SPTBN1: variants seen among roughly 807,000 people sequenced by gnomAD.
SPTBN1 encodes the protein spectrin beta chain, non-erythrocytic 1.
SPTBN1 carries 32 observed loss-of-function variants against 266.4 expected under a neutral mutation model. The ratio of observed to expected loss-of-function variants is 0.12; its 90% CI spans 0.09 to 0.16. The LOEUF is 0.16. Ranked by LOEUF, SPTBN1 falls within the 10% of genes least tolerant of loss-of-function variation. SPTBN1 has a pLI of 1.00. For synonymous variants in SPTBN1, 1,336 were observed against 1,162.2 expected (o/e 1.15, Z -3.04); for missense variants, 2,296 against 3,067.1 (o/e 0.75, Z 5.94).
chr2:54,629,560 C>T lies in SPTBN1; in HGVS notation c.2426C>T (p.Ala809Val), dbSNP rs1307917517. The change falls in exon 14 of 36, where the codon GCC becomes GTC. Residue 809 changes from alanine (A) to valine (V), a missense_variant. This residue lies in a region of SPTBN1 where 434 missense variants were observed against 573.9 expected (regional missense o/e 0.76). Coordinates refer to ENST00000356805, the MANE Select transcript of SPTBN1 (RefSeq NM_003128.3). Reference protein sequence around the residue: ...TLDTLHEQASALPQEHAESPD... With the variant: ...TLDTLHEQASVLPQEHAESPD... ...GACACGCTGCACGAACAAGCCAGCG[C>T]CCTCCCCCAGGAGCATGCCGAGTCT... The T allele has an allele frequency of 6.2e-7, 1 of 1,613,986 alleles. No homozygotes were observed. Among genetic ancestry groups the T allele is most frequent in the Non-Finnish European group, 8.5e-7 (1 of 1,180,058 alleles).
In SPTBN1 at chr2:54,623,422, G is replaced by T. The variant is rs867515132; in HGVS notation, c.1065-57G>T. 82 of 1,463,368 alleles carry T rather than the reference G, an allele frequency of 5.6e-5. No homozygotes were observed. In the Middle Eastern group the frequency reaches 1.3e-3, roughly 23 times the overall value. The allele number at this position is 1,463,368 out of a possible 1,614,324, so 90.6% of individuals were successfully genotyped here. A position where few individuals can be genotyped will look rare whatever the true frequency, so the allele number is the denominator to read the frequency against. The stretch of plus-strand genomic sequence containing the variant: ...GAGTTAAATGGTTTTTAAAATGCAT[G>T]ACAGTGTGAAATTTTTTTTTCTCCA... On this transcript the variant is annotated intron_variant, in intron 9 of 35. Transcript: ENST00000356805.
chr2:54,491,009 C>T (rs148539813), intron 1 of SPTBN1, among the ~76,000 whole-genome samples: 1 of 152,270 alleles, frequency 6.6e-6, no homozygotes, highest in East Asian at 1.9e-4. Context: ...ACATTTTAGT[C>T]AAGCTTGTGT....
intron 1 of SPTBN1, chr2:54,516,250 C>T (rs1670102996): frequency 6.6e-6 from 1 of 152,052 alleles, no homozygotes; most frequent in East Asian, 1.9e-4. Flanking sequence ...GTTTATTCAC[C>T]TGTAAAATAG....
intron 2 of SPTBN1, among the ~76,000 whole-genome samples, chr2:54,580,263 T>C (rs1460881909): frequency 6.6e-6 from 1 of 152,232 alleles, no homozygotes; most frequent in African/African-American, 2.4e-5. Context: ...GGAGTAGATT[T>C]TGTTTCTTGA....
rs1274290084 is a variant in SPTBN1, at chr2:54,664,657, G to A, written c.6625G>A (p.Glu2209Lys). The A allele has an allele frequency of 6.8e-6, 11 of 1,613,996 alleles. No homozygotes were observed. Among genetic ancestry groups the A allele is most frequent in the African/African-American group, 1.3e-5 (1 of 74,902 alleles). ...QMEGFLNRKHEWEAHNKKASS... is the reference protein window; with the variant it reads ...QMEGFLNRKHKWEAHNKKASS... ...GGAAGGCTTCCTCAATCGGAAACACGAGTGGGAGGCCCACAATAAGAAAGC... is the reference window on the plus strand; with the variant it reads ...GGAAGGCTTCCTCAATCGGAAACACAAGTGGGAGGCCCACAATAAGAAAGC... Residue 2209 changes from glutamate to lysine, a missense_variant, in exon 33 of 36, where the codon GAG (glutamate) becomes AAG (lysine). Physicochemically the swap from Glu to Lys is moderately conservative, Grantham distance 56 (BLOSUM62 1). Around this residue, in one of 12 missense-constraint regions of SPTBN1, gnomAD observed 347 missense variants for 368.5 expected, o/e 0.94. Coordinates refer to ENST00000356805, the MANE Select transcript of SPTBN1 (RefSeq NM_003128.3). This position sits in a 1 kb window ranked among gnomAD's most constrained non-coding sequence, Gnocchi z 5.6.
intron 1 of SPTBN1, among the ~76,000 whole-genome samples, chr2:54,463,185 C>T (rs1558746694): frequency 7.1e-6 from 1 of 141,560 alleles, no homozygotes; most frequent in African/African-American, 3.0e-5. Flanking sequence ...CAATCCTATG[C>T]GAAGCTATTT....
chr2:54,615,624 A>G lies in SPTBN1; in HGVS notation c.475-583A>G, dbSNP rs372494500. ...AGCTGGGGAACCTGCCCAAGGGTACATGGTAGGTGATGGAGCCTGGATTCA... is the reference window on the plus strand; with the variant it reads ...AGCTGGGGAACCTGCCCAAGGGTACGTGGTAGGTGATGGAGCCTGGATTCA... On this transcript the variant is annotated intron_variant, in intron 4 of 35. Coordinates refer to ENST00000356805, the MANE Select transcript of SPTBN1 (RefSeq NM_003128.3). Among the ~76,000 whole-genome samples the G allele has an allele frequency of 5.3e-5, 8 of 152,304 alleles. No individual in the cohort carries two copies. In the East Asian group the frequency reaches 1.3e-3, roughly 26 times the overall value.
chr2:54,567,660 A>G (rs1442732220), intron 2 of SPTBN1, among the ~76,000 whole-genome samples: 2 of 152,178 alleles, frequency 1.3e-5, no homozygotes, highest in Non-Finnish European at 1.5e-5. Context: ...GAGTGTATCT[A>G]TTACTGGAGC....
intron 2 of SPTBN1, among the ~76,000 whole-genome samples, chr2:54,576,790 G>A (rs910597667): frequency 2.0e-5 from 3 of 152,230 alleles, no homozygotes; most frequent in African/African-American, 4.8e-5. Context: ...GGAAACACAG[G>A]TGTGTAAGGG....
At chr2:54,516,523 C>A (rs552918994) in intron 1 of SPTBN1, among the ~76,000 whole-genome samples, 5 of 152,242 alleles carry the variant, frequency 3.3e-5, no homozygotes, top group Admixed American at 2.6e-4. Context: ...GCCCCAGTTT[C>A]CATATTTTTG....
At chr2:54,461,139 C>G (rs966147664) in intron 1 of SPTBN1, among the ~76,000 whole-genome samples, 1 of 152,188 alleles carries the variant, frequency 6.6e-6, no homozygotes, top group African/African-American at 2.4e-5. Flanking sequence ...ATATCATTCC[C>G]TTCTCTATGG....
At chr2:54,479,818 T>G (rs926712576) in intron 1 of SPTBN1, among the ~76,000 whole-genome samples, 1 of 152,194 alleles carries the variant, frequency 6.6e-6, no homozygotes, top group Non-Finnish European at 1.5e-5. Context: ...AAGTATTCAG[T>G]TCGCTTTCTA....
intron 1 of SPTBN1, among the ~76,000 whole-genome samples, chr2:54,499,257 GT>G (rs556740727): frequency 7.2e-4 from 109 of 152,318 alleles, no homozygotes; most frequent in African/African-American, 2.4e-3. Context: ...TTAAGGAAAA[GT>G]TGGAAACTAA....
chr2:54,529,742 C>T (rs779480019), intron 2 of SPTBN1: 1 of 661,394 alleles, frequency 1.5e-6, no homozygotes. Context: ...GAGATGAAGG[C>T]ATATGTTCCA....
rs1271175695 is a variant in SPTBN1, at chr2:54,554,445, G to T, written c.148+27879G>T. Among the ~76,000 whole-genome samples, 1 of 152,222 alleles carries T rather than the reference G, an allele frequency of 6.6e-6. No individual in the cohort carries two copies. The highest frequency in any genetic ancestry group is 1.5e-5 in the Non-Finnish European group (1 of 68,034). Reference sequence around the variant, plus strand: ...ATTCTGTAAGCTACCAAGTGTGATGGTTCTGGTTATTACGGCCATTCAGTT... The same window carrying T: ...ATTCTGTAAGCTACCAAGTGTGATGTTTCTGGTTATTACGGCCATTCAGTT... On this transcript the variant is annotated intron_variant, in intron 2 of 35. Transcript: ENST00000356805. The surrounding 1 kb of genome is among the most constrained non-coding windows in gnomAD (Gnocchi z 4.5).
chr2:54,649,225 C>A lies in SPTBN1; in HGVS notation c.5202+35C>A. On this transcript the variant is annotated intron_variant, in intron 25 of 35. Coordinates refer to ENST00000356805, the MANE Select transcript of SPTBN1 (RefSeq NM_003128.3). The surrounding 1 kb of genome is among the most constrained non-coding windows in gnomAD (Gnocchi z 6.7). ...TGAGGCAGTGCATGAGTTGGTTGTG[C>A]AGTAAGCGATGGTGTGGAAGGCCAT... 1 of 1,565,524 alleles carries A rather than the reference C, an allele frequency of 6.4e-7. No individual in the cohort carries two copies. The highest frequency in any genetic ancestry group is 8.7e-7 in the Non-Finnish European group (1 of 1,148,826).
chr2:54,561,162 A>G (rs1460544516), intron 2 of SPTBN1, among the ~76,000 whole-genome samples: 1 of 152,188 alleles, frequency 6.6e-6, no homozygotes, highest in African/African-American at 2.4e-5. Flanking sequence ...TTTCGTTTTA[A>G]GAGACAGAGT....
At chr2:54,633,579 T>TAGCACAGGCC (rs1297019688) in intron 17 of SPTBN1, among the ~76,000 whole-genome samples, 1 of 152,192 alleles carries the variant, frequency 6.6e-6, no homozygotes, top group Non-Finnish European at 1.5e-5. Flanking sequence ...TTGGATGCAC[T>TAGCACAGGCC]AGCACAGGCC....
At chr2:54,607,308 C>G (rs1213958054) in intron 3 of SPTBN1, among the ~76,000 whole-genome samples, 1 of 152,172 alleles carries the variant, frequency 6.6e-6, no homozygotes. Context: ...GTATTAGTTA[C>G]AAATAATATA....
Sources: gnomAD v4.1 joint callset for allele counts (sites outside exome capture counted in the v4.1 genomes callset) on GRCh38, gnomAD v4.1.1 for gene constraint, gnomAD v4.1.1 regional missense constraint, Gnocchi (gnomAD v3.1) non-coding constraint, MANE v1.5 for transcripts, NCBI Gene and HGNC (gene_info 2026-07-23, HGNC 2026-07-21) for gene names.